LYRM4: variants seen among roughly 807,000 people sequenced by gnomAD.
LYRM4 encodes the protein LYR motif containing 4.
In LYRM4, 9 loss-of-function variants were observed where a neutral mutation model predicts 11.7. The observed-to-expected ratio is 0.77, with a 90% CI of 0.46 to 1.34. LYRM4 has a LOEUF of 1.34. Ranked by LOEUF, LYRM4 falls within the 40% of genes most tolerant of loss-of-function variation. LYRM4 has a pLI of 0.00. For synonymous variants in LYRM4, 42 were observed against 40.4 expected, an observed-to-expected ratio of 1.04 and a Z score of -0.15; for missense variants, 133 against 112.5, an observed-to-expected ratio of 1.18 and a Z score of -0.82.
At chr6:5,146,900 T>C (rs1305446770) in intron 2 of LYRM4, among the ~76,000 whole-genome samples, 1 of 152,148 alleles carries the variant, frequency 6.6e-6, no homozygotes, top group Non-Finnish European at 1.5e-5. Flanking sequence ...ATCAGGGATT[T>C]AGAGGGAAAG....
At chr6:5,247,395 C>T (rs1764243424) in intron 1 of LYRM4, among the ~76,000 whole-genome samples, 1 of 152,186 alleles carries the variant, frequency 6.6e-6, no homozygotes, top group African/African-American at 2.4e-5. Context: ...CTTTCTGGCT[C>T]CAATCTGTCT....
intron 1 of LYRM4, among the ~76,000 whole-genome samples, chr6:5,250,282 T>A (rs919260160): frequency 9.9e-5 from 15 of 152,218 alleles, no homozygotes; most frequent in African/African-American, 3.6e-4. Context: ...TAAGTGCAAT[T>A]TAGAAACTCT....
At chr6:5,160,453 TC>T (rs1488228289) in intron 2 of LYRM4, among the ~76,000 whole-genome samples, 2 of 151,822 alleles carry the variant, frequency 1.3e-5, no homozygotes, top group East Asian at 3.9e-4. Context: ...TGGGGGCGGG[TC>T]TTTTCCGTGC....
intron 1 of LYRM4, among the ~76,000 whole-genome samples, chr6:5,224,396 G>A (rs537978868): frequency 2.6e-4 from 40 of 152,256 alleles, no homozygotes; most frequent in African/African-American, 9.4e-4. Flanking sequence ...TTTTTGAAAA[G>A]ACAAAGGGAC....
In LYRM4 at chr6:5,194,465, A is replaced by G. The variant is rs568132617; in HGVS notation, c.207+22153T>C. 4.6e-5 allele frequency among the ~76,000 whole-genome samples: 7 copies of G among 152,224 alleles called. No homozygotes were observed. The South Asian group carries it at 1.0e-3, about 23-fold the overall frequency. ...GTAATTTCTCTTCTCTGGCAAAATGATGAGGTACAACCAGAACTGGGCATA... is the reference window on the plus strand; with the variant it reads ...GTAATTTCTCTTCTCTGGCAAAATGGTGAGGTACAACCAGAACTGGGCATA... On this transcript the variant is annotated intron_variant, in intron 2 of 2. Transcript: ENST00000330636.
the LYRM4 span, among the ~76,000 whole-genome samples, chr6:5,092,985 G>A: frequency 0.012 from 1,841 of 152,294 alleles, 26 homozygotes; most frequent in African/African-American, 0.035. Flanking sequence ...AGGTCCCCAC[G>A]ATATCTGTGA....
intron 2 of LYRM4, among the ~76,000 whole-genome samples, chr6:5,109,987 C>T (rs1375636343): frequency 6.6e-6 from 1 of 152,224 alleles, no homozygotes; most frequent in Non-Finnish European, 1.5e-5. Context: ...GGGCAGTTGT[C>T]TGAGTGCCTG....
chr6:5,195,612 T>C (rs929862459), intron 2 of LYRM4, among the ~76,000 whole-genome samples: 2 of 152,010 alleles, frequency 1.3e-5, no homozygotes, highest in Non-Finnish European at 2.9e-5. Flanking sequence ...CCAACCTGGG[T>C]GACAAAGTGA....
At chr6:5,242,789 C>G in intron 1 of LYRM4, among the ~76,000 whole-genome samples, 1 of 136,234 alleles carries the variant, frequency 7.3e-6, no homozygotes. Context: ...TTTTTTGAGA[C>G]GGAGTCTCGC....
chr6:5,177,608 T>C (rs1759796648), intron 2 of LYRM4, among the ~76,000 whole-genome samples: 1 of 152,222 alleles, frequency 6.6e-6, no homozygotes, highest in Non-Finnish European at 1.5e-5. Context: ...ATCTTTCATT[T>C]ATGTATTTTC....
At chr6:5,143,961 C>T (rs1230852144) in intron 2 of LYRM4, among the ~76,000 whole-genome samples, 4 of 152,188 alleles carry the variant, frequency 2.6e-5, no homozygotes, top group Admixed American at 2.0e-4. Context: ...AGTATATCTT[C>T]CACCAGCAGC....
intron 2 of LYRM4, among the ~76,000 whole-genome samples, chr6:5,184,327 T>G (rs1314673794): frequency 6.6e-6 from 1 of 152,158 alleles, no homozygotes; most frequent in Non-Finnish European, 1.5e-5. Flanking sequence ...CTGGATAACC[T>G]CTCTTCCTTC....
At chr6:5,187,407 C>A (rs111850400) in intron 2 of LYRM4, among the ~76,000 whole-genome samples, 12 of 152,206 alleles carry the variant, frequency 7.9e-5, no homozygotes, top group Non-Finnish European at 1.6e-4. Flanking sequence ...AAACGTCCAT[C>A]ATTAAGTGGC....
chr6:5,169,848 G>C (rs1473626037), intron 2 of LYRM4, among the ~76,000 whole-genome samples: 1 of 152,224 alleles, frequency 6.6e-6, no homozygotes, highest in Non-Finnish European at 1.5e-5. Context: ...CCCATGACCA[G>C]TGTAGGAGGG....
chr6:5,155,282 T>C (rs2773331), intron 2 of LYRM4, among the ~76,000 whole-genome samples: 13,657 of 152,142 alleles, frequency 0.09, 1,168 homozygotes, highest in African/African-American at 0.22. Flanking sequence ...GGTTTCACCA[T>C]GTTGGCCAGG....
At chr6:5,162,840 G>T (rs1225650971) in intron 2 of LYRM4, among the ~76,000 whole-genome samples, 1 of 152,106 alleles carries the variant, frequency 6.6e-6, no homozygotes, top group Non-Finnish European at 1.5e-5. Context: ...TTAGACGAAA[G>T]GGAAACTGAT....
intron 1 of LYRM4, among the ~76,000 whole-genome samples, chr6:5,222,581 T>C (rs1319201242): frequency 1.3e-5 from 2 of 152,156 alleles, no homozygotes; most frequent in Non-Finnish European, 2.9e-5. Context: ...GGAGTGGTCC[T>C]TCTCTTGAAT....
intron 2 of LYRM4, among the ~76,000 whole-genome samples, chr6:5,175,963 G>A (rs1759691937): frequency 6.6e-6 from 1 of 152,060 alleles, no homozygotes; most frequent in Non-Finnish European, 1.5e-5. Context: ...TACACCCAGT[G>A]TTACAGTCTT....
chr6:5,119,562 G>A (rs142582766), intron 2 of LYRM4, among the ~76,000 whole-genome samples: 1 of 151,924 alleles, frequency 6.6e-6, no homozygotes, highest in East Asian at 2.0e-4. Context: ...TGAGGCGGGC[G>A]GATCACTTGT....
Sources: allele counts gnomAD v4.1 joint callset (sites outside exome capture counted in the v4.1 genomes callset), GRCh38; gene constraint gnomAD v4.1.1; transcripts MANE v1.5; gene names NCBI Gene and HGNC (gene_info 2026-07-23, HGNC 2026-07-21).